The following CLN8 variants were observed in gnomAD, a reference collection of about 807,000 sequenced individuals.
CLN8 encodes protein CLN8.
In CLN8, 14 loss-of-function variants were observed where a neutral mutation model predicts 15.7. The ratio of observed to expected loss-of-function variants is 0.89; its 90% confidence interval spans 0.59 to 1.39. The LOEUF (loss-of-function observed/expected upper bound fraction) is 1.39, where lower values mean the gene tolerates loss of function less well. CLN8 is among the 40% of genes most tolerant of loss of function. CLN8 has a pLI of 0.00. For missense variants in CLN8, 415 were observed against 364.0 expected, an observed-to-expected ratio of 1.14 and a Z score of -1.14; for synonymous variants, 188 against 151.0, an observed-to-expected ratio of 1.25 and a Z score of -1.80.
chr8:1,766,397 T>G (rs551006228), intron 1 of CLN8, among the ~76,000 whole-genome samples: 69 of 149,134 alleles, frequency 4.6e-4, no homozygotes, highest in Admixed American at 1.1e-3. Context: ...TTTGTTTTTT[T>G]TTTTTTTTTT....
chr8:1,768,402 G>T (rs1369365703), intron 1 of CLN8, among the ~76,000 whole-genome samples: 2 of 152,186 alleles, frequency 1.3e-5, no homozygotes, highest in East Asian at 3.9e-4. Flanking sequence ...CACTTCCACT[G>T]AGGTGGATTT....
rs1801676060 is a variant in CLN8, at chr8:1,780,365, A to G, written c.659A>G (p.Asp220Gly). The G allele has an allele frequency of 6.2e-7, 1 of 1,614,208 alleles. No individual in the cohort carries two copies. Among genetic ancestry groups the G allele is most frequent in the Non-Finnish European group, 8.5e-7 (1 of 1,180,034 alleles). ...TGGTGGGTGTGTTTCTGGCACTGGG[A>G]CGGCCTGGTCAGCAGCCTGTATCTG... ...HMWWVCFWHWDGLVSSLYLPH... is the reference protein window; with the variant it reads ...HMWWVCFWHWGGLVSSLYLPH... Residue 220 changes from aspartate to glycine, a missense_variant, in exon 3 of 3, where the codon GAC (aspartate) becomes GGC (glycine). Asp to Gly is a moderately conservative substitution (Grantham distance 94). Coordinates refer to ENST00000331222, the MANE Select transcript of CLN8 (RefSeq NM_018941.4).
intron 1 of CLN8, among the ~76,000 whole-genome samples, chr8:1,756,680 CTTTT>C (rs751314711): frequency 4.0e-5 from 5 of 125,760 alleles, no homozygotes; most frequent in Admixed American, 8.2e-5. Flanking sequence ...TTAAGCATTC[CTTTT>C]TTTTTTTTTT....
upstream of CLN8, chr8:1,759,160 T>G (rs1201335213): frequency 5.3e-5 from 8 of 152,222 alleles, no homozygotes; most frequent in Non-Finnish European, 1.0e-4. Context: ...TGCCTGGATT[T>G]CAACGGAAGG....
At chr8:1,770,882 G>A in intron 1 of CLN8, 50 bp from the exon 2 acceptor site, 1 of 648,436 alleles carries the variant, frequency 1.5e-6, no homozygotes, top group South Asian at 1.8e-5. Context: ...GGGTAGTGAT[G>A]TGTCCTTGTT....
At chr8:1,768,092 C>T (rs1345982752) in intron 1 of CLN8, among the ~76,000 whole-genome samples, 1 of 151,572 alleles carries the variant, frequency 6.6e-6, no homozygotes, top group African/African-American at 2.4e-5. Flanking sequence ...TACAGGTGCG[C>T]ACCACCACGC....
chr8:1,786,421 G>A lies in CLN8; in HGVS notation c.*5854G>A, dbSNP rs1041533807. 5 of 152,164 alleles carry A rather than the reference G, an allele frequency of 3.3e-5. No homozygotes were observed. The highest frequency in any genetic ancestry group is 7.2e-5 in the African/African-American group (3 of 41,414). The allele number at this position is 152,164 out of a possible 1,614,324, so 9.4% of individuals were successfully genotyped here. On this transcript the variant is annotated 3_prime_UTR_variant, in exon 3 of 3. Transcript: ENST00000331222. The stretch of plus-strand genomic sequence containing the variant: ...CTTCCTATTTTCTTCTAATGCGAGA[G>A]CTTATTAATTCCATATTTATCATTT...
chr8:1,768,790 C>T (rs1801183244), intron 1 of CLN8, among the ~76,000 whole-genome samples: 1 of 152,204 alleles, frequency 6.6e-6, no homozygotes, highest in South Asian at 2.1e-4. Context: ...CCTTGCTGCA[C>T]ACTGAATACC....
Position 1,771,287 on chromosome 8 carries a change from C to T in CLN8, c.233C>T (p.Thr78Ile). The part of the protein sequence containing the change: ...ATRAVFGVQS[T>I]AAGLWALLGD... ...CGTGCAGTCTTTGGTGTTCAGAGCA[C>T]AGCCGCAGGCCTGTGGGCTCTGCTG... Residue 78 changes from threonine to isoleucine, a missense_variant, in exon 2 of 3, where the codon ACA becomes ATA. Physicochemically the swap from Thr to Ile is moderately conservative, Grantham distance 89. Transcript: ENST00000331222. 6.2e-7 allele frequency: 1 copy of T among 1,614,174 alleles called. No individual in the cohort carries two copies. The highest frequency in any genetic ancestry group is 8.5e-7 in the Non-Finnish European group (1 of 1,180,016).
upstream of CLN8, chr8:1,759,492 A>G (rs79858975): frequency 0.051 from 7,748 of 152,284 alleles, 280 homozygotes; most frequent in South Asian, 0.14. Context: ...AGGCCAGGTG[A>G]TAAGATACCG....
chr8:1,764,650 G>A (rs959699978), intron 1 of CLN8: 1 of 153,226 alleles, frequency 6.5e-6, no homozygotes, highest in South Asian at 2.0e-4. Flanking sequence ...CGCTGGGTAA[G>A]GTCACCAAAG....
At chr8:1,777,008 C>T (rs1258733440) in intron 2 of CLN8, among the ~76,000 whole-genome samples, 1 of 152,166 alleles carries the variant, frequency 6.6e-6, no homozygotes, top group African/African-American at 2.4e-5. Context: ...TCATACGTTG[C>T]TTAACGACGG....
At chr8:1,754,845 C>T (rs150171563), upstream of CLN8, among the ~76,000 whole-genome samples, 11 of 152,322 alleles carry the variant, frequency 7.2e-5, no homozygotes, top group East Asian at 1.7e-3. Context: ...TTCAGCTGCT[C>T]ACCTGGTGCC....
Position 1,780,791 on chromosome 8 carries a change from G to C in CLN8, c.*224G>C. ...TCTGGCAGGCTCTGTCAGTTTAGCCGCGCCGGACCGTGTCAAGCATCTAGG... is the reference window on the plus strand; with the variant it reads ...TCTGGCAGGCTCTGTCAGTTTAGCCCCGCCGGACCGTGTCAAGCATCTAGG... On this transcript the variant is annotated 3_prime_UTR_variant, in exon 3 of 3. Coordinates refer to ENST00000331222, the MANE Select transcript of CLN8 (RefSeq NM_018941.4). 2.2e-5 allele frequency: 13 copies of C among 595,342 alleles called. No homozygotes were observed. Among genetic ancestry groups the C allele is most frequent in the Non-Finnish European group, 3.8e-5 (13 of 338,546 alleles). 36.9% of individuals were successfully genotyped at this position (595,342 alleles called of 1,614,324 possible). A position where few individuals can be genotyped will look rare whatever the true frequency, so the allele number is the denominator to read the frequency against.
Position 1,771,153 on chromosome 8 carries a change from C to T in CLN8, c.99C>T (p.Val33=), listed in dbSNP as rs150754905. The T allele has an allele frequency of 1.9e-6, 3 of 1,613,946 alleles. No individual in the cohort carries two copies. The highest frequency in any genetic ancestry group is 2.7e-5 in the African/African-American group (2 of 74,894). ...IRSTLMVAGF[V]FYLGVFVVCH... is the part of the protein sequence containing the mutation. Reference sequence around the variant, plus strand: ...CCACGCTGATGGTCGCTGGCTTTGTCTTCTACTTGGGCGTCTTTGTGGTCT... The same window carrying T: ...CCACGCTGATGGTCGCTGGCTTTGTTTTCTACTTGGGCGTCTTTGTGGTCT... Residue 33 remains valine, a synonymous_variant, in exon 2 of 3, where the codon GTC becomes GTT. Transcript: ENST00000331222.
chr8:1,780,965 G>A lies in CLN8; in HGVS notation c.*398G>A, dbSNP rs1365193162. ...CTTTCCAGCTGCACACTCATATGCC[G>A]TGTGTCTTATTCAGAAGTCACATTC... On this transcript the variant is annotated 3_prime_UTR_variant, in exon 3 of 3. Transcript: ENST00000331222. The A allele has an allele frequency of 2.1e-5, 5 of 239,352 alleles. No homozygotes were observed. The South Asian group carries it at 2.4e-4, about 12-fold the overall frequency. The allele number at this position is 239,352 out of a possible 1,614,324, so 14.8% of individuals were successfully genotyped here.
At chr8:1,759,507 T>A (rs1044919171), upstream of CLN8, 2 of 151,514 alleles carry the variant, frequency 1.3e-5, no homozygotes, top group Non-Finnish European at 2.9e-5. Context: ...ATACCGAGGG[T>A]GAGGGATGAG....
chr8:1,765,394 T>C (rs961421943), intron 1 of CLN8, among the ~76,000 whole-genome samples: 2 of 152,244 alleles, frequency 1.3e-5, no homozygotes, highest in South Asian at 2.1e-4. Flanking sequence ...AAAATAGTGA[T>C]GGTGCTTGGA....
Position 1,782,543 on chromosome 8 carries a change from A to T in CLN8, c.*1976A>T, listed in dbSNP as rs890222920. ...TTACGAAGCAATTTTAATCTTAAAC[A>T]CATCCAGCAAATGGTGTCCCTGCTG... On this transcript the variant is annotated 3_prime_UTR_variant, in exon 3 of 3. Coordinates refer to ENST00000331222, the MANE Select transcript of CLN8 (RefSeq NM_018941.4). 4 of 152,230 alleles carry T rather than the reference A, an allele frequency of 2.6e-5. No homozygotes were observed. The highest frequency in any genetic ancestry group is 9.6e-5 in the African/African-American group (4 of 41,456). 9.4% of individuals were successfully genotyped at this position (152,230 alleles called of 1,614,324 possible).
Sources: gnomAD v4.1 joint callset for allele counts (sites outside exome capture counted in the v4.1 genomes callset) on GRCh38, gnomAD v4.1.1 for gene constraint, MANE v1.5 for transcripts, NCBI Gene and HGNC (gene_info 2026-07-23, HGNC 2026-07-21) for gene names.